The following SMIM31 variants were observed in gnomAD, a reference collection of about 807,000 sequenced individuals.
The protein encoded by SMIM31 is human epithelial cell program regulator.
intron 2 of SMIM31, among the ~76,000 whole-genome samples, chr4:164,785,307 A>T (rs1733013678): frequency 6.6e-6 from 1 of 152,178 alleles, no homozygotes; most frequent in African/African-American, 2.4e-5. Context: ...AAGAGCAATT[A>T]AAAACACTCC....
At chr4:164,788,383 T>G (rs935131293) in intron 2 of SMIM31, among the ~76,000 whole-genome samples, 2 of 151,498 alleles carry the variant, frequency 1.3e-5, no homozygotes, top group African/African-American at 4.9e-5. Context: ...TCACCAAACT[T>G]AATGCCCTGG....
At position 164,793,080 on chromosome 4, in the gene SMIM31, GTCAT is replaced by G. The variant is rs542936518; in HGVS notation, c.113-8009_113-8006del. The stretch of plus-strand genomic sequence containing the variant: ...TGCAGCAATATGGCTGATACTGGAG[GTCAT>G]TACATTAAGCAAATATACACAGGAA... On this transcript the variant is annotated intron_variant, in intron 2 of 2. Transcript: ENST00000507311. Among the ~76,000 whole-genome samples the G allele has an allele frequency of 1.7e-3, 253 of 152,224 alleles. 2 individuals are homozygous for G. The highest frequency in any genetic ancestry group is 0.014 in the Middle Eastern group (4 of 294).
intron 1 of SMIM31, among the ~76,000 whole-genome samples, chr4:164,758,064 A>T (rs1160097029): frequency 3.3e-5 from 5 of 151,646 alleles, no homozygotes; most frequent in South Asian, 4.2e-4. Context: ...TAGATATTTT[A>T]TTTCTCTCAG....
At position 164,774,017 on chromosome 4, in the gene SMIM31, T is replaced by C. The variant is rs570048665; in HGVS notation, c.112+3462T>C. 3.3e-5 allele frequency among the ~76,000 whole-genome samples: 5 copies of C among 151,914 alleles called. No individual in the cohort carries two copies. The South Asian group carries it at 8.3e-4, about 25-fold the overall frequency. ...CCGTCTCTACTAAAAACACAAAAAA[T>C]TAGCCAGGCGTGGTGGCGGGCCCCT... On this transcript the variant is annotated intron_variant, in intron 2 of 2. Coordinates refer to ENST00000507311, the MANE Select transcript of SMIM31 (RefSeq NM_001352885.1).
At chr4:164,779,239 C>A (rs1304064056) in intron 2 of SMIM31, among the ~76,000 whole-genome samples, 1 of 152,098 alleles carries the variant, frequency 6.6e-6, no homozygotes, top group Non-Finnish European at 1.5e-5. Context: ...TTTTGGTCAC[C>A]GCAGCTATTT....
At chr4:164,787,442 C>T (rs1252073744) in intron 2 of SMIM31, 1 of 151,692 alleles carries the variant, frequency 6.6e-6, no homozygotes, top group East Asian at 1.9e-4. Context: ...AGGACAAACA[C>T]AGTGTTGCTC....
At chr4:164,772,786 G>T (rs1283790867) in intron 2 of SMIM31, among the ~76,000 whole-genome samples, 1 of 151,320 alleles carries the variant, frequency 6.6e-6, no homozygotes. Context: ...CACCGTGTTA[G>T]CCGGGATGGT....
intron 2 of SMIM31, among the ~76,000 whole-genome samples, chr4:164,794,185 T>C (rs1164547979): frequency 6.6e-6 from 1 of 151,722 alleles, no homozygotes; most frequent in Admixed American, 6.6e-5. Flanking sequence ...CAGACCAGCC[T>C]GGGCAACATA....
chr4:164,799,243 G>T (rs1733251280), intron 2 of SMIM31, among the ~76,000 whole-genome samples: 1 of 151,732 alleles, frequency 6.6e-6, no homozygotes, highest in South Asian at 2.1e-4. Context: ...AAACTAGCTG[G>T]GTATGGTGGC....
At chr4:164,798,629 A>C (rs188814444) in intron 2 of SMIM31, among the ~76,000 whole-genome samples, 2 of 152,294 alleles carry the variant, frequency 1.3e-5, no homozygotes, top group African/African-American at 4.8e-5. Context: ...TACTATCTGC[A>C]AGCTGGAGAT....
intron 2 of SMIM31, among the ~76,000 whole-genome samples, chr4:164,783,689 G>A (rs1732990816): frequency 6.6e-6 from 1 of 151,892 alleles, no homozygotes; most frequent in Non-Finnish European, 1.5e-5. Flanking sequence ...GGCTAAGGTG[G>A]GAGGATTACT....
At chr4:164,762,744 T>C (rs1190979490) in intron 1 of SMIM31, among the ~76,000 whole-genome samples, 2 of 151,748 alleles carry the variant, frequency 1.3e-5, no homozygotes, top group East Asian at 3.9e-4. Flanking sequence ...ACAATGCTGC[T>C]ATAAAACAAT....
In SMIM31 at chr4:164,801,221, A is replaced by C; in HGVS notation, c.*27A>C. Reference sequence around the variant, plus strand: ...CTCATAGCCACCGATATTTCTCGCTAAGAAGACAGAGGAAGCAATCCATGG... The same window carrying C: ...CTCATAGCCACCGATATTTCTCGCTCAGAAGACAGAGGAAGCAATCCATGG... On this transcript the variant is annotated 3_prime_UTR_variant, in exon 3 of 3. Transcript: ENST00000507311. The C allele has an allele frequency of 2.5e-6, 1 of 398,950 alleles. No individual in the cohort carries two copies. Among genetic ancestry groups the C allele is most frequent in the Non-Finnish European group, 4.4e-6 (1 of 226,000 alleles). The allele number at this position is 398,950 out of a possible 1,614,324, so 24.7% of individuals were successfully genotyped here.
intron 1 of SMIM31, among the ~76,000 whole-genome samples, chr4:164,758,915 G>A (rs1204924762): frequency 7.1e-6 from 1 of 140,492 alleles, no homozygotes; most frequent in Admixed American, 7.6e-5. Flanking sequence ...TGATCTGCCC[G>A]CCTCAGCCTC....
Position 164,770,399 on chromosome 4 carries a change from A to G in SMIM31, c.-25-20A>G, listed in dbSNP as rs1018989979. The G allele has an allele frequency of 5.0e-6, 2 of 398,866 alleles. No homozygotes were observed. 24.7% of individuals were successfully genotyped at this position (398,866 alleles called of 1,614,324 possible). On this transcript the variant is annotated intron_variant, in intron 1 of 2. Transcript: ENST00000507311. ...CTCTGGATTAGAGTATGCTGAGCCC[A>G]TGTTTTATTCCTATTGTAGGTGAAG...
intron 1 of SMIM31, among the ~76,000 whole-genome samples, chr4:164,767,711 T>C (rs1227290138): frequency 2.6e-5 from 4 of 152,242 alleles, no homozygotes; most frequent in African/African-American, 9.6e-5. Flanking sequence ...AAATCACCTC[T>C]TCTTGAATTT....
intron 2 of SMIM31, among the ~76,000 whole-genome samples, chr4:164,782,401 C>T (rs371948164): frequency 3.4e-5 from 4 of 118,900 alleles, no homozygotes; most frequent in Non-Finnish European, 4.9e-5. Flanking sequence ...TTTTTTGAGA[C>T]GGAGTCTTGC....
chr4:164,797,396 A>C lies in SMIM31; in HGVS notation c.113-3695A>C, dbSNP rs190528583. 3.1e-3 allele frequency among the ~76,000 whole-genome samples: 470 copies of C among 152,134 alleles called. 5 individuals are homozygous for C. The highest frequency in any genetic ancestry group is 0.011 in the African/African-American group (447 of 41,506). ...AGACCAATAGAATATAGATATAAAC[A>C]CAGATACAAAAGGACATGTATATAT... On this transcript the variant is annotated intron_variant, in intron 2 of 2. Coordinates refer to ENST00000507311, the MANE Select transcript of SMIM31 (RefSeq NM_001352885.1).
At chr4:164,761,762 C>CAA (rs553183775) in intron 1 of SMIM31, among the ~76,000 whole-genome samples, 5,636 of 144,264 alleles carry the variant, frequency 0.039, 203 homozygotes, top group East Asian at 0.16. Flanking sequence ...ACTAAAAATA[C>CAA]AAAAAAAAAA....
Sources: allele counts gnomAD v4.1 joint callset (sites outside exome capture counted in the v4.1 genomes callset), GRCh38; gene constraint gnomAD v4.1.1; transcripts MANE v1.5; gene names NCBI Gene and HGNC (gene_info 2026-07-23, HGNC 2026-07-21).